GLI2: variants seen among roughly 807,000 people sequenced by gnomAD.
The protein encoded by GLI2 is transcription activator GLI2.
GLI2 carries 22 observed loss-of-function variants against 78.9 expected under a neutral mutation model. That is an observed-to-expected ratio of 0.28 (90% confidence interval 0.20 to 0.40). GLI2 has a LOEUF of 0.40. GLI2 is among the 10% of genes least tolerant of loss of function. The probability of loss-of-function intolerance (pLI) is 1.00; values close to 1 mark genes in which losing one functional copy is unlikely to be tolerated. For missense variants in GLI2, 2,097 were observed against 2,213.2 expected (o/e 0.95, Z 1.05); for synonymous variants, 974 against 963.7 (o/e 1.01, Z -0.20).
intron 2 of GLI2, among the ~76,000 whole-genome samples, chr2:120,843,913 C>T (rs1052209101): frequency 3.3e-5 from 5 of 152,134 alleles, no homozygotes; most frequent in African/African-American, 1.2e-4. Flanking sequence ...GTGATCCGCC[C>T]ACCTCAGCCT....
At chr2:120,955,181 T>TTTTGTG in intron 4 of GLI2, 64 bp from the exon 5 acceptor site, 1 of 531,606 alleles carries the variant, frequency 1.9e-6, no homozygotes, top group Non-Finnish European at 3.3e-6. Flanking sequence ...TTTTTTTTTT[T>TTTTGTG]GGCAGGAGAA....
Position 120,868,626 on chromosome 2 carries a change from A to G in GLI2, c.149-58735A>G, listed in dbSNP as rs577810810. On this transcript the variant is annotated intron_variant, in intron 2 of 13. Transcript: ENST00000361492. ...TTGCCATTCAGAAACAAAGTTAGGT[A>G]AGGAGGTGAGACCTTCCTGGGAGCT... 2.0e-5 allele frequency among the ~76,000 whole-genome samples: 3 copies of G among 152,270 alleles called. No individual in the cohort carries two copies. In the East Asian group the frequency reaches 5.8e-4, roughly 29 times the overall value.
chr2:120,762,601 G>A lies in GLI2; in HGVS notation c.-31+26316G>A, dbSNP rs553937344. 4.6e-5 allele frequency among the ~76,000 whole-genome samples: 7 copies of A among 152,298 alleles called. No individual in the cohort carries two copies. The East Asian group carries it at 5.8e-4, about 13-fold the overall frequency. ...TGTCTCATCTGCAACAGACTCAGCCGTTCCCTTCCTGTGCCTCCGCGTCTC... is the reference window on the plus strand; with the variant it reads ...TGTCTCATCTGCAACAGACTCAGCCATTCCCTTCCTGTGCCTCCGCGTCTC... On this transcript the variant is annotated intron_variant, in intron 1 of 13. Coordinates refer to ENST00000361492, the MANE Select transcript of GLI2 (RefSeq NM_001374353.1).
intron 1 of GLI2, among the ~76,000 whole-genome samples, chr2:120,789,984 T>TTGTC (rs1684100480): frequency 6.6e-6 from 1 of 152,222 alleles, no homozygotes; most frequent in Non-Finnish European, 1.5e-5. Flanking sequence ...GAAGGTTTTG[T>TTGTC]TGTCTTTCTC....
chr2:120,824,702 T>A (rs1405664116), intron 2 of GLI2, among the ~76,000 whole-genome samples: 1 of 152,226 alleles, frequency 6.6e-6, no homozygotes, highest in Non-Finnish European at 1.5e-5. Context: ...GATGTAAGCC[T>A]GTCCTGAGGG....
chr2:120,912,979 C>T (rs922424358), intron 2 of GLI2, among the ~76,000 whole-genome samples: 3 of 151,920 alleles, frequency 2.0e-5, no homozygotes, highest in Non-Finnish European at 4.4e-5. Flanking sequence ...ATTCTGGGAA[C>T]GTTTGTGAGT....
intron 1 of GLI2, among the ~76,000 whole-genome samples, chr2:120,736,571 G>C (rs983221314): frequency 2.6e-5 from 4 of 151,548 alleles, no homozygotes; most frequent in Non-Finnish European, 5.9e-5. Context: ...CTGGGGGAGA[G>C]CACCACTCTT....
chr2:120,906,434 C>T (rs1370860280), intron 2 of GLI2, among the ~76,000 whole-genome samples: 1 of 152,146 alleles, frequency 6.6e-6, no homozygotes, highest in Non-Finnish European at 1.5e-5. Flanking sequence ...AGGCTGGCAG[C>T]TCAGGAATAT....
At chr2:120,961,101 C>T (rs1485735655) in intron 5 of GLI2, among the ~76,000 whole-genome samples, 1 of 152,158 alleles carries the variant, frequency 6.6e-6, no homozygotes, top group Non-Finnish European at 1.5e-5. Flanking sequence ...GCCACCCCCT[C>T]CCCCTCCACC....
At chr2:120,850,276 T>G (rs1687333993) in intron 2 of GLI2, among the ~76,000 whole-genome samples, 1 of 149,670 alleles carries the variant, frequency 6.7e-6, no homozygotes, top group African/African-American at 2.5e-5. Context: ...GTAACGCTTC[T>G]GAAAACTTCT....
intron 1 of GLI2, among the ~76,000 whole-genome samples, chr2:120,791,823 C>T (rs1200198001): frequency 6.6e-6 from 1 of 151,928 alleles, no homozygotes; most frequent in Non-Finnish European, 1.5e-5. Flanking sequence ...GACTTTAATG[C>T]GGTGTGCACG....
chr2:120,795,409 G>A (rs750372252), intron 1 of GLI2, among the ~76,000 whole-genome samples: 1 of 151,226 alleles, frequency 6.6e-6, no homozygotes, highest in African/African-American at 2.4e-5. Flanking sequence ...TGTAATCCCA[G>A]CTACTCAGGA....
chr2:120,880,709 G>A (rs151114745), intron 2 of GLI2, among the ~76,000 whole-genome samples: 77 of 152,314 alleles, frequency 5.1e-4, no homozygotes, highest in African/African-American at 1.7e-3. Flanking sequence ...AGGTATCTGC[G>A]TATGAGAGAG....
chr2:120,803,604 G>A (rs1365081437), intron 2 of GLI2, among the ~76,000 whole-genome samples: 5 of 152,108 alleles, frequency 3.3e-5, no homozygotes, highest in African/African-American at 1.2e-4. Context: ...CTGGGTGCCT[G>A]TCCCACTTTG....
intron 2 of GLI2, among the ~76,000 whole-genome samples, chr2:120,925,207 G>C (rs1328510736): frequency 6.6e-6 from 1 of 152,216 alleles, no homozygotes; most frequent in Non-Finnish European, 1.5e-5. Flanking sequence ...CTTGGACCAC[G>C]TGCCTGCAAC....
chr2:120,951,936 C>T (rs759254923), intron 4 of GLI2, among the ~76,000 whole-genome samples: 2 of 149,000 alleles, frequency 1.3e-5, no homozygotes, highest in Non-Finnish European at 2.9e-5. Context: ...TGTTCAGATG[C>T]CTGAGAGAGA....
At chr2:120,949,738 C>T (rs1680886854) in intron 3 of GLI2, among the ~76,000 whole-genome samples, 1 of 152,244 alleles carries the variant, frequency 6.6e-6, no homozygotes, top group African/African-American at 2.4e-5. Flanking sequence ...GCTAGACAAC[C>T]AAACTGCGGA....
chr2:120,864,953 C>T (rs936170606), intron 2 of GLI2, among the ~76,000 whole-genome samples: 8 of 152,286 alleles, frequency 5.3e-5, no homozygotes, highest in Admixed American at 3.3e-4. Context: ...AGAGAGCAGC[C>T]CTTTCTGTGG....
chr2:120,877,840 G>A (rs1387886678), intron 2 of GLI2, among the ~76,000 whole-genome samples: 3 of 152,016 alleles, frequency 2.0e-5, no homozygotes, highest in East Asian at 3.9e-4. Flanking sequence ...ATCCTTGTAC[G>A]GTCTCGATGA....
Sources: gnomAD v4.1 joint callset for allele counts (sites outside exome capture counted in the v4.1 genomes callset) on GRCh38, gnomAD v4.1.1 for gene constraint, MANE v1.5 for transcripts, NCBI Gene and HGNC (gene_info 2026-07-23, HGNC 2026-07-21) for gene names.